Variants in DISC1 observed in about 807,000 individuals in gnomAD.
The protein encoded by DISC1 is disrupted in schizophrenia 1 protein.
In DISC1, 57 loss-of-function variants were observed where a neutral mutation model predicts 84.5. That is an observed-to-expected ratio of 0.67 (90% confidence interval 0.55 to 0.84). The LOEUF (loss-of-function observed/expected upper bound fraction) is 0.84, where lower values mean the gene tolerates loss of function less well. DISC1 is among the 40% of genes least tolerant of loss of function. DISC1 has a pLI of 0.00. For missense variants in DISC1, 1,000 were observed against 1,057.8 expected, an observed-to-expected ratio of 0.95 and a Z score of 0.76; for synonymous variants, 411 against 415.2, an observed-to-expected ratio of 0.99 and a Z score of 0.12.
rs975899104 is a variant in DISC1 at position 231,838,204 on chromosome 1, G to C, written c.1981+19687G>C. Reference sequence around the variant, plus strand: ...GCTTTAATTTAAAAAATTAATCTATGAATTTAACATATATTCATGGGATGC... The same window carrying C: ...GCTTTAATTTAAAAAATTAATCTATCAATTTAACATATATTCATGGGATGC... On this transcript the variant is annotated intron_variant, in intron 9 of 12. Coordinates refer to ENST00000439617, the MANE Select transcript of DISC1 (RefSeq NM_018662.3). Among the ~76,000 whole-genome samples the C allele has an allele frequency of 2.6e-5, 4 of 152,254 alleles. 1 individual carries two copies. The highest frequency in any genetic ancestry group is 2.6e-4 in the Admixed American group (4 of 15,300).
intron 3 of DISC1, among the ~76,000 whole-genome samples, chr1:231,712,157 G>A (rs1056892868): frequency 6.6e-6 from 1 of 152,160 alleles, no homozygotes. Flanking sequence ...ACAAGGACAG[G>A]ATTTTCCCCA....
chr1:231,735,684 T>C (rs953585943), intron 3 of DISC1, among the ~76,000 whole-genome samples: 1 of 152,244 alleles, frequency 6.6e-6, no homozygotes, highest in Non-Finnish European at 1.5e-5. Context: ...CACTCTCTCG[T>C]GGGATCATTG....
chr1:231,841,589 A>G (rs1304214012), intron 9 of DISC1, among the ~76,000 whole-genome samples: 1 of 152,220 alleles, frequency 6.6e-6, no homozygotes, highest in South Asian at 2.1e-4. Flanking sequence ...TGCCTACTGA[A>G]TATTTTCTGA....
chr1:231,660,991 T>A (rs2061518942), intron 1 of DISC1, among the ~76,000 whole-genome samples: 2 of 152,216 alleles, frequency 1.3e-5, no homozygotes, highest in Admixed American at 1.3e-4. Flanking sequence ...TTATTTCTCC[T>A]TCATTTATGA....
At chr1:231,852,520 A>G (rs561239295) in intron 9 of DISC1, among the ~76,000 whole-genome samples, 21 of 152,244 alleles carry the variant, frequency 1.4e-4, no homozygotes, top group Non-Finnish European at 2.6e-4. Context: ...GACAGTCAGG[A>G]TCATTAACTT....
rs774425560 is a variant in DISC1, at chr1:231,694,256, T to G, written c.498T>G (p.Asp166Glu). The G allele has an allele frequency of 6.2e-7, 1 of 1,614,262 alleles. No individual in the cohort carries two copies. Among genetic ancestry groups the G allele is most frequent in the African/African-American group, 1.3e-5 (1 of 75,080 alleles). The change falls in exon 2 of 13, where the codon GAT becomes GAG. Residue 166 changes from aspartate (D) to glutamate (E), a missense_variant. By Grantham distance (45) the Asp-to-Glu change is conservative (BLOSUM62 2). Coordinates refer to ENST00000439617, the MANE Select transcript of DISC1 (RefSeq NM_018662.3). ...CCAGCTGGGAGGCAGCCTGCAGCGA[T>G]GGAGCAAGGCGTGTCCGGGCAGCAG... Reference protein sequence around the residue: ...LDASWEAACSDGARRVRAAGS... With the variant: ...LDASWEAACSEGARRVRAAGS...
At chr1:231,798,721 A>G (rs538564898) in intron 7 of DISC1, among the ~76,000 whole-genome samples, 1 of 152,306 alleles carries the variant, frequency 6.6e-6, no homozygotes, top group African/African-American at 2.4e-5. Flanking sequence ...GATGCCCAAC[A>G]TCACCAGTGC....
intron 11 of DISC1, among the ~76,000 whole-genome samples, chr1:232,017,835 G>C (rs1341553): frequency 0.65 from 99,146 of 152,074 alleles, 33,220 homozygotes; most frequent in African/African-American, 0.79. Context: ...AGCAGTACTT[G>C]TTACTTCAGT....
intron 10 of DISC1, among the ~76,000 whole-genome samples, chr1:231,971,009 A>G (rs1301140309): frequency 6.6e-6 from 1 of 152,212 alleles, no homozygotes; most frequent in African/African-American, 2.4e-5. Context: ...GAGCCTGTGC[A>G]CCCATTATCC....
Position 231,749,294 on chromosome 1 carries a change from C to G in DISC1, c.1118-632C>G, listed in dbSNP as rs139448344. On this transcript the variant is annotated intron_variant, in intron 3 of 12. Coordinates refer to ENST00000439617, the MANE Select transcript of DISC1 (RefSeq NM_018662.3). ...TAATCAACCATCTGCTGACAGCACT[C>G]TTCCAAATGATCTGGAGTTTATTTT... 5.8e-4 allele frequency among the ~76,000 whole-genome samples: 89 copies of G among 152,336 alleles called. No individual in the cohort carries two copies. In the East Asian group the frequency reaches 0.016, roughly 28 times the overall value.
At chr1:231,689,521 G>A (rs1480522803) in intron 1 of DISC1, among the ~76,000 whole-genome samples, 2 of 151,908 alleles carry the variant, frequency 1.3e-5, no homozygotes, top group Non-Finnish European at 2.9e-5. Context: ...TAGTAGAGAT[G>A]GGGCCTCGCC....
At position 232,008,975 on chromosome 1, in the gene DISC1, C is replaced by G. The variant is rs377170152; in HGVS notation, c.2233C>G (p.Pro745Ala). Residue 745 changes from proline to alanine, a missense_variant, in exon 11 of 13, where the codon CCT becomes GCT. Transcript: ENST00000439617. ...RLHSEDKRKT[P>A]LKVLEEWKTH... is the part of the protein sequence containing the mutation. ...CCACTCCGAGGATAAAAGGAAGACC[C>G]CTTTGAAGGTATTGGAAGAATGGAA... 38 of 1,613,674 alleles carry G rather than the reference C, an allele frequency of 2.4e-5. No individual in the cohort carries two copies. Among genetic ancestry groups the G allele is most frequent in the Middle Eastern group, 1.6e-4 (1 of 6,084 alleles).
intron 9 of DISC1, among the ~76,000 whole-genome samples, chr1:231,912,001 G>A (rs761049829): frequency 2.0e-5 from 3 of 151,968 alleles, no homozygotes; most frequent in Non-Finnish European, 4.4e-5. Flanking sequence ...CATAGTTCTC[G>A]TACCATGTTT....
At chr1:231,668,213 A>T (rs1265445915) in intron 1 of DISC1, among the ~76,000 whole-genome samples, 1 of 152,134 alleles carries the variant, frequency 6.6e-6, no homozygotes, top group Non-Finnish European at 1.5e-5. Flanking sequence ...TATTACTATG[A>T]TTAATTTTTT....
Position 232,009,221 on chromosome 1 carries a change from A to G in DISC1, c.2307+172A>G. 7.0e-6 allele frequency: 10 copies of G among 1,420,654 alleles called. No homozygotes were observed. In the South Asian group the frequency reaches 1.3e-4, roughly 18 times the overall value. 88.0% of individuals were successfully genotyped at this position (1,420,654 alleles called of 1,614,324 possible). A position where few individuals can be genotyped will look rare whatever the true frequency, so the allele number is the denominator to read the frequency against. On this transcript the variant is annotated intron_variant, in intron 11 of 12. Transcript: ENST00000439617. This position sits in a 1 kb window ranked among gnomAD's most constrained non-coding sequence, Gnocchi z 4.6. ...TTACAAAATAAAGTAGAATTTTTGT[A>G]GAAGTTTGAAATATAGAAGAGCAAA...
At chr1:231,673,181 A>T (rs1007626365) in intron 1 of DISC1, among the ~76,000 whole-genome samples, 1 of 152,200 alleles carries the variant, frequency 6.6e-6, no homozygotes, top group Non-Finnish European at 1.5e-5. Flanking sequence ...TTTCATTATA[A>T]AGAATTAAAT....
chr1:231,931,665 T>TAG, intron 9 of DISC1, among the ~76,000 whole-genome samples: 1 of 149,480 alleles, frequency 6.7e-6, no homozygotes, highest in African/African-American at 2.5e-5. Flanking sequence ...TTTTTTGTCT[T>TAG]TGAGACAGGG....
chr1:231,733,421 TG>T (rs1402236121), intron 3 of DISC1, among the ~76,000 whole-genome samples: 1 of 149,530 alleles, frequency 6.7e-6, no homozygotes, highest in African/African-American at 2.5e-5. Flanking sequence ...GAAGTGGTGG[TG>T]GTTGTAGGAA....
chr1:231,912,882 C>T (rs2089351347), intron 9 of DISC1, among the ~76,000 whole-genome samples: 1 of 149,486 alleles, frequency 6.7e-6, no homozygotes, highest in African/African-American at 2.5e-5. Flanking sequence ...TCCTTCCTTC[C>T]TTCCACCCCC....
Sources: allele counts gnomAD v4.1 joint callset (sites outside exome capture counted in the v4.1 genomes callset), GRCh38; gene constraint gnomAD v4.1.1; non-coding constraint Gnocchi (gnomAD v3.1); transcripts MANE v1.5; gene names NCBI Gene and HGNC (gene_info 2026-07-23, HGNC 2026-07-21).